HEMK2: variants seen among roughly 807,000 people sequenced by gnomAD.
The protein encoded by HEMK2 is HemK methyltransferase 2, ETF1 glutamine and histone H4 lysine.
the HEMK2 span, among the ~76,000 whole-genome samples, chr21:28,644,336 G>C: frequency 1.3e-5 from 2 of 152,062 alleles, no homozygotes; most frequent in African/African-American, 4.8e-5. Flanking sequence ...CCCATAATTC[G>C]GTCACCTCTA....
the HEMK2 span, among the ~76,000 whole-genome samples, chr21:28,879,485 G>A: frequency 2.0e-5 from 3 of 152,138 alleles, no homozygotes; most frequent in African/African-American, 7.2e-5. Context: ...CAGGTAATCT[G>A]CCGCCTCGGC....
At chr21:28,733,005 C>G in the HEMK2 span, among the ~76,000 whole-genome samples, 1 of 152,152 alleles carries the variant, frequency 6.6e-6, no homozygotes, top group Non-Finnish European at 1.5e-5. Context: ...AATGACCAGG[C>G]GTGGTGGCTC....
the HEMK2 span, among the ~76,000 whole-genome samples, chr21:28,849,347 A>C: frequency 1.6e-3 from 238 of 152,250 alleles, 1 homozygote; most frequent in Admixed American, 2.7e-3. Flanking sequence ...AAAAGCAAAA[A>C]AACAACAACA....
At chr21:28,578,922 C>G in the HEMK2 span, among the ~76,000 whole-genome samples, 2 of 152,100 alleles carry the variant, frequency 1.3e-5, no homozygotes, top group Non-Finnish European at 1.5e-5. Context: ...ACAGATTTAC[C>G]TCTCCCCAAA....
At chr21:28,864,913 T>TAG in the HEMK2 span, among the ~76,000 whole-genome samples, 158 of 143,628 alleles carry the variant, frequency 1.1e-3, no homozygotes, top group Admixed American at 2.0e-3. Context: ...AGATAGATGA[T>TAG]ATAGATAGAT....
the HEMK2 span, among the ~76,000 whole-genome samples, chr21:28,763,066 G>A: frequency 6.6e-6 from 1 of 152,078 alleles, no homozygotes; most frequent in East Asian, 1.9e-4. Flanking sequence ...ACTTCACAAG[G>A]TAAAAGCTTC....
chr21:28,665,276 A>G, the HEMK2 span, among the ~76,000 whole-genome samples: 14 of 149,944 alleles, frequency 9.3e-5, no homozygotes, highest in Non-Finnish European at 2.1e-4. Context: ...CTATTCCAAA[A>G]GTAAATAAAT....
At chr21:28,884,912 C>G in the HEMK2 span, among the ~76,000 whole-genome samples, 1 of 152,298 alleles carries the variant, frequency 6.6e-6, no homozygotes, top group East Asian at 1.9e-4. Context: ...TCGCTTCTCT[C>G]AGGGACATGT....
the HEMK2 span, among the ~76,000 whole-genome samples, chr21:28,864,302 C>T: frequency 6.6e-6 from 1 of 152,110 alleles, no homozygotes; most frequent in Non-Finnish European, 1.5e-5. Context: ...AACCAAAGGC[C>T]TTCTAAAGCA....
the HEMK2 span, among the ~76,000 whole-genome samples, chr21:28,844,302 T>C: frequency 6.6e-6 from 1 of 152,062 alleles, no homozygotes; most frequent in Non-Finnish European, 1.5e-5. Context: ...TTCTCCACTC[T>C]TCATATTAGC....
the HEMK2 span, among the ~76,000 whole-genome samples, chr21:28,828,370 C>T: frequency 6.6e-6 from 1 of 152,116 alleles, no homozygotes; most frequent in Non-Finnish European, 1.5e-5. Context: ...GGGCTTTTCT[C>T]CTCTAAAGTG....
chr21:28,599,023 T>C, the HEMK2 span, among the ~76,000 whole-genome samples: 1 of 152,132 alleles, frequency 6.6e-6, no homozygotes, highest in African/African-American at 2.4e-5. Flanking sequence ...AAATGATGGG[T>C]AAAGTTGCAA....
the HEMK2 span, among the ~76,000 whole-genome samples, chr21:28,721,510 A>T: frequency 6.6e-6 from 1 of 152,132 alleles, no homozygotes. Context: ...ACCTTTTTTA[A>T]ATGTGGCCAC....
the HEMK2 span, among the ~76,000 whole-genome samples, chr21:28,768,838 T>C: frequency 6.6e-6 from 1 of 151,912 alleles, no homozygotes; most frequent in Non-Finnish European, 1.5e-5. Flanking sequence ...AATGAGGTCA[T>C]AAGGGTGGGC....
chr21:28,604,491 A>G, the HEMK2 span, among the ~76,000 whole-genome samples: 1 of 152,198 alleles, frequency 6.6e-6, no homozygotes. Flanking sequence ...AGAAAGACAG[A>G]TGGGAACTTT....
chr21:28,704,403 T>C, the HEMK2 span, among the ~76,000 whole-genome samples: 6 of 152,172 alleles, frequency 3.9e-5, no homozygotes, highest in African/African-American at 1.4e-4. Context: ...AGGTTTGCTT[T>C]TTTTACGTCC....
the HEMK2 span, among the ~76,000 whole-genome samples, chr21:28,672,990 GAAAA>G: frequency 7.9e-6 from 1 of 126,402 alleles, no homozygotes; most frequent in Non-Finnish European, 1.6e-5. Flanking sequence ...AAGAGAGAAA[GAAAA>G]AGAAAGAGAA....
chr21:28,783,163 A>C, the HEMK2 span, among the ~76,000 whole-genome samples: 1 of 152,148 alleles, frequency 6.6e-6, no homozygotes, highest in African/African-American at 2.4e-5. Context: ...TTTGTTTCTT[A>C]AACACCTTAT....
the HEMK2 span, among the ~76,000 whole-genome samples, chr21:28,732,268 T>A: frequency 2.0e-5 from 3 of 152,050 alleles, no homozygotes; most frequent in Non-Finnish European, 2.9e-5. Flanking sequence ...TTACTTGAAT[T>A]GCTGTATAGT....
Sources: gnomAD v4.1 joint callset for allele counts (sites outside exome capture counted in the v4.1 genomes callset) on GRCh38, gnomAD v4.1.1 for gene constraint, MANE v1.5 for transcripts, NCBI Gene and HGNC (gene_info 2026-07-23, HGNC 2026-07-21) for gene names.